Variants in KPNA1 observed in about 807,000 individuals in gnomAD.
KPNA1 encodes the protein karyopherin subunit alpha 1.
KPNA1 carries 10 observed loss-of-function variants against 70.5 expected under a neutral mutation model. That is an observed-to-expected ratio of 0.14 (90% CI 0.09 to 0.24). The LOEUF (loss-of-function observed/expected upper bound fraction) is 0.24. Ranked by LOEUF, KPNA1 falls within the 10% of genes least tolerant of loss-of-function variation. The pLI is 1.00. For synonymous variants in KPNA1, 192 were observed against 221.9 expected (o/e 0.87, Z 1.20); for missense variants, 397 against 637.9 (o/e 0.62, Z 4.07).
chr3:122,449,840 G>T, intron 8 of KPNA1, 103 bp from the exon 9 acceptor site: 1 of 851,858 alleles, frequency 1.2e-6, no homozygotes, highest in Non-Finnish European at 1.8e-6. Flanking sequence ...TGACTTCTAG[G>T]GTGATTTACA....
intron 2 of KPNA1, among the ~76,000 whole-genome samples, chr3:122,471,641 A>G (rs1334757666): frequency 2.6e-5 from 4 of 152,226 alleles, no homozygotes; most frequent in Non-Finnish European, 5.9e-5. Context: ...CAAGAGTTCA[A>G]GACGAGCCTG....
At chr3:122,467,584 G>C (rs2076395527) in intron 2 of KPNA1, among the ~76,000 whole-genome samples, 155 bp from the exon 3 acceptor site, 1 of 151,860 alleles carries the variant, frequency 6.6e-6, no homozygotes, top group Non-Finnish European at 1.5e-5. Context: ...AACCATTTCA[G>C]ATTTCTCCAT....
chr3:122,437,138 A>C, intron 11 of KPNA1, 32 bp downstream of exon 11: 3 of 1,590,930 alleles, frequency 1.9e-6, no homozygotes, highest in Non-Finnish European at 2.6e-6. Flanking sequence ...CAATAAAAAT[A>C]CTGAAAGAGA....
At chr3:122,512,606 C>T (rs2076967479) in intron 1 of KPNA1, among the ~76,000 whole-genome samples, 2 of 152,180 alleles carry the variant, frequency 1.3e-5, no homozygotes, top group African/African-American at 2.4e-5. Context: ...CCCCTGTAGT[C>T]CCAGCTACTC....
chr3:122,459,905 T>A (rs965901907), intron 5 of KPNA1: 5 of 985,194 alleles, frequency 5.1e-6, no homozygotes, highest in Non-Finnish European at 6.0e-6. Context: ...GTATGAATAA[T>A]CTATAATGGT....
At chr3:122,497,971 A>G (rs1030927982) in intron 1 of KPNA1, among the ~76,000 whole-genome samples, 3 of 152,210 alleles carry the variant, frequency 2.0e-5, no homozygotes, top group Non-Finnish European at 4.4e-5. Context: ...GTCATATCCA[A>G]GAATCCTTAA....
chr3:122,477,235 TAG>T (rs1473190881), intron 2 of KPNA1, among the ~76,000 whole-genome samples: 6 of 151,856 alleles, frequency 4.0e-5, no homozygotes, highest in African/African-American at 1.5e-4. Context: ...CTCACAGAAG[TAG>T]AGAGTATAAT....
Position 122,426,798 on chromosome 3 carries a change from T to C in KPNA1, c.*187A>G. 1 of 502,668 alleles carries C rather than the reference T, an allele frequency of 2.0e-6. No homozygotes were observed. The highest frequency in any genetic ancestry group is 3.5e-6 in the Non-Finnish European group (1 of 283,936). 31.1% of individuals were successfully genotyped at this position (502,668 alleles called of 1,614,324 possible). On this transcript the variant is annotated 3_prime_UTR_variant, in exon 14 of 14. Coordinates refer to ENST00000344337, the MANE Select transcript of KPNA1 (RefSeq NM_002264.4). ...GGTTACCCTTTTATTAGAAGGGTAT[T>C]CCACCACAGAGAGCCGGAGGTTTTC... is the stretch of plus-strand genomic sequence containing the variant.
intron 5 of KPNA1, among the ~76,000 whole-genome samples, chr3:122,456,566 C>A (rs1031561336): frequency 1.3e-5 from 2 of 152,040 alleles, no homozygotes; most frequent in Non-Finnish European, 2.9e-5. Context: ...CCAAAGATCT[C>A]AGGGGAAATG....
chr3:122,495,833 A>C (rs1403441423), intron 2 of KPNA1, among the ~76,000 whole-genome samples: 2 of 152,138 alleles, frequency 1.3e-5, no homozygotes, highest in East Asian at 3.8e-4. Context: ...GGCTTAAAAA[A>C]AAAAAATCAA....
chr3:122,428,604 A>G (rs1262371039), intron 12 of KPNA1, among the ~76,000 whole-genome samples: 1 of 152,218 alleles, frequency 6.6e-6, no homozygotes, highest in South Asian at 2.1e-4. Flanking sequence ...AAACAACTCT[A>G]TGCTCACACA....
At chr3:122,484,512 G>A (rs1576331130) in intron 2 of KPNA1, among the ~76,000 whole-genome samples, 1 of 152,108 alleles carries the variant, frequency 6.6e-6, no homozygotes, top group South Asian at 2.1e-4. Context: ...CTGGCATGGT[G>A]GTGGGCGCCT....
At chr3:122,496,769 T>C in intron 1 of KPNA1, 199 bp from the exon 2 acceptor site, 1 of 396,138 alleles carries the variant, frequency 2.5e-6, no homozygotes, top group Non-Finnish European at 4.5e-6. Flanking sequence ...AGTGGTGCAA[T>C]CATAGCTCAC....
At position 122,423,504 on chromosome 3, in the gene KPNA1, C is replaced by T. The variant is rs976913706; in HGVS notation, c.*3481G>A. The T allele has an allele frequency of 5.2e-5, 8 of 152,486 alleles. No homozygotes were observed. The highest frequency in any genetic ancestry group is 1.9e-4 in the African/African-American group (8 of 41,416). 9.4% of individuals were successfully genotyped at this position (152,486 alleles called of 1,614,324 possible). A position where few individuals can be genotyped will look rare whatever the true frequency, so the allele number is the denominator to read the frequency against. Reference sequence around the variant, plus strand: ...CCAATATACTTAAAAACCATCAACCCCTAAAAAGTTATAATGATTTGCCTA... The same window carrying T: ...CCAATATACTTAAAAACCATCAACCTCTAAAAAGTTATAATGATTTGCCTA... On this transcript the variant is annotated 3_prime_UTR_variant, in exon 14 of 14. Transcript: ENST00000344337.
chr3:122,455,990 A>C (rs916273600), intron 5 of KPNA1, among the ~76,000 whole-genome samples: 3 of 152,160 alleles, frequency 2.0e-5, no homozygotes, highest in Non-Finnish European at 4.4e-5. Flanking sequence ...TTGACTAATG[A>C]CTCGAGTAAT....
intron 3 of KPNA1, among the ~76,000 whole-genome samples, chr3:122,464,738 CCAGTATTAGCAGTTAATTTTCTTCT>C: frequency 6.6e-6 from 1 of 152,264 alleles, no homozygotes; most frequent in Admixed American, 6.5e-5. Flanking sequence ...TAACTCATCC[CCAGTATTAGCAGTTAATTTTCTTCT>C]CAGGGTCATT....
chr3:122,502,675 A>G (rs909852541), intron 1 of KPNA1, among the ~76,000 whole-genome samples: 7 of 152,242 alleles, frequency 4.6e-5, no homozygotes, highest in African/African-American at 1.7e-4. Context: ...AATACGGATG[A>G]GAACTTGTGA....
At chr3:122,438,864 T>C (rs941855107) in intron 10 of KPNA1, among the ~76,000 whole-genome samples, 11 of 152,152 alleles carry the variant, frequency 7.2e-5, no homozygotes, top group Non-Finnish European at 1.6e-4. Flanking sequence ...AAAGAAATTA[T>C]AGGGGAAAAT....
At chr3:122,445,783 G>A (rs1478693697) in intron 9 of KPNA1, among the ~76,000 whole-genome samples, 6 of 152,112 alleles carry the variant, frequency 3.9e-5, no homozygotes, top group Non-Finnish European at 7.3e-5. Flanking sequence ...CCCATCTCAC[G>A]TGCAGAGACA....
Sources: gnomAD v4.1 joint callset for allele counts (sites outside exome capture counted in the v4.1 genomes callset) on GRCh38, gnomAD v4.1.1 for gene constraint, MANE v1.5 for transcripts, NCBI Gene and HGNC (gene_info 2026-07-23, HGNC 2026-07-21) for gene names.